Variants in SHOC1 observed in about 807,000 individuals in gnomAD.
The protein encoded by SHOC1 is protein shortage in chiasmata 1 ortholog.
In SHOC1, 136 loss-of-function variants were observed where a neutral mutation model predicts 179.2. That is an observed-to-expected ratio of 0.76 (90% CI 0.66 to 0.87). The LOEUF is 0.87. Ranked by LOEUF, SHOC1 falls within the 40% of genes least tolerant of loss-of-function variation. SHOC1 has a pLI of 0.00. For missense variants in SHOC1, 1,538 were observed against 1,700.8 expected (o/e 0.90, Z 1.68); for synonymous variants, 489 against 586.6 (o/e 0.83, Z 2.41).
At chr9:111,758,972 G>T in intron 5 of SHOC1, 124 bp from the exon 6 acceptor site, 1 of 846,148 alleles carries the variant, frequency 1.2e-6, no homozygotes, top group Admixed American at 2.9e-5. Flanking sequence ...TTTAAACTCT[G>T]TAGCTCTTCA....
chr9:111,768,737 T>G (rs554917676), intron 5 of SHOC1, among the ~76,000 whole-genome samples: 1 of 152,230 alleles, frequency 6.6e-6, no homozygotes, highest in African/African-American at 2.4e-5. Flanking sequence ...CCTTTCCAAT[T>G]TGAATGCCCT....
At chr9:111,693,421 C>CA (rs59200447) in intron 26 of SHOC1, among the ~76,000 whole-genome samples, 11,977 of 85,950 alleles carry the variant, frequency 0.14, 1,089 homozygotes, top group Non-Finnish European at 0.19. Flanking sequence ...CCCGTTTCTA[C>CA]AAAAAAAAAA....
chr9:111,780,069 A>G (rs552512170), intron 4 of SHOC1, among the ~76,000 whole-genome samples: 23 of 152,270 alleles, frequency 1.5e-4, no homozygotes, highest in Middle Eastern at 3.4e-3. Flanking sequence ...GTCATCCTAT[A>G]TTACCATTTA....
chr9:111,753,880 A>C (rs1834726067), intron 8 of SHOC1, among the ~76,000 whole-genome samples: 1 of 152,156 alleles, frequency 6.6e-6, no homozygotes, highest in South Asian at 2.1e-4. Context: ...AGTGGTTACC[A>C]GGGGCTAGGG....
Position 111,714,564 on chromosome 9 carries a change from T to G in SHOC1, c.2296A>C (p.Ile766Leu). 1 of 1,613,966 alleles carries G rather than the reference T, an allele frequency of 6.2e-7. No homozygotes were observed. Among genetic ancestry groups the G allele is most frequent in the Non-Finnish European group, 8.5e-7 (1 of 1,179,934 alleles). Residue 766 changes from isoleucine (I) to leucine (L), a missense_variant, in exon 17 of 28, where the codon ATT becomes CTT. By Grantham distance (5) the Ile-to-Leu change is conservative. Transcript: ENST00000682961. ...NSILGPYLGD[I>L]WRQLEIVQFI... ...TGTACAATCTCCAGCTGTCTCCAAA[T>G]GTCACCCAAATAGGGGCCTAAAATG...
At chr9:111,780,786 T>A (rs1490337228) in intron 4 of SHOC1, 144 bp downstream of exon 4, 1 of 530,756 alleles carries the variant, frequency 1.9e-6, no homozygotes, top group African/African-American at 2.0e-5. Flanking sequence ...CCTTTGTGGT[T>A]CAAATTAGGA....
intron 4 of SHOC1, 142 bp from the exon 5 acceptor site, chr9:111,776,117 G>A: frequency 1.6e-6 from 1 of 634,368 alleles, no homozygotes; most frequent in East Asian, 2.9e-5. Flanking sequence ...CATCATTCAA[G>A]ATAAATATAA....
At chr9:111,752,345 TTGAAAGC>T (rs1834632403) in intron 8 of SHOC1, among the ~76,000 whole-genome samples, 1 of 152,206 alleles carries the variant, frequency 6.6e-6, no homozygotes, top group African/African-American at 2.4e-5. Context: ...ATGGGGCAGA[TTGAAAGC>T]ATATCAGCTA....
At chr9:111,762,867 A>G (rs940363886) in intron 5 of SHOC1, among the ~76,000 whole-genome samples, 2 of 152,042 alleles carry the variant, frequency 1.3e-5, no homozygotes, top group Non-Finnish European at 2.9e-5. Context: ...GTATAGTCAG[A>G]CAAAAAAAAA....
At chr9:111,744,741 A>G in intron 10 of SHOC1, among the ~76,000 whole-genome samples, 1 of 152,220 alleles carries the variant, frequency 6.6e-6, no homozygotes, top group Non-Finnish European at 1.5e-5. Flanking sequence ...GACTAATTGT[A>G]CTGGTTATGT....
chr9:111,762,910 C>A (rs1350983679), intron 5 of SHOC1, among the ~76,000 whole-genome samples: 1 of 151,882 alleles, frequency 6.6e-6, no homozygotes, highest in Admixed American at 6.6e-5. Context: ...AAACAGCCAT[C>A]ATTCACAGAC....
At position 111,714,468 on chromosome 9, in the gene SHOC1, T is replaced by A. The variant is rs11791445; in HGVS notation, c.2392A>T (p.Met798Leu). 340,716 of 1,613,284 alleles carry A rather than the reference T, an allele frequency of 0.21. 37,762 individuals carry two copies. The highest frequency in any genetic ancestry group is 0.23 in the Non-Finnish European group (267,974 of 1,179,626). ...QELQCQILSW[M>L]QSQQQIKVLI... ...ACCTTAATTTGCTGTTGACTTTGCA[T>A]CCAACTTAGTATCTGACATTGCAAT... The change falls in exon 17 of 28, where the codon ATG (methionine) becomes TTG (leucine). Residue 798 changes from methionine (M) to leucine (L), a missense_variant. Physicochemically the swap from Met to Leu is conservative, Grantham distance 15 (BLOSUM62 2). Transcript: ENST00000682961.
chr9:111,782,072 C>T (rs1836084178), intron 3 of SHOC1, among the ~76,000 whole-genome samples: 1 of 152,136 alleles, frequency 6.6e-6, no homozygotes, highest in Admixed American at 6.5e-5. Context: ...ATTATCCAGG[C>T]GTGGTGGTGG....
chr9:111,781,305 C>T (rs414605), intron 3 of SHOC1, among the ~76,000 whole-genome samples: 4 of 152,192 alleles, frequency 2.6e-5, no homozygotes, highest in African/African-American at 7.2e-5. Flanking sequence ...TAGTCCCTTT[C>T]AACTGCTCAT....
chr9:111,793,162 G>A (rs1489391730), intron 1 of SHOC1, among the ~76,000 whole-genome samples: 3 of 152,140 alleles, frequency 2.0e-5, no homozygotes, highest in Non-Finnish European at 4.4e-5. Flanking sequence ...GATTACAGGC[G>A]TGAGCCACCG....
In SHOC1 at chr9:111,741,552, T is replaced by A; in HGVS notation, c.1098A>T (p.Glu366Asp). ...PVCKINLLTA[E>D]ESANEYYMMW... is the part of the protein sequence containing the mutation. ...TCATGTAGTATTCATTAGCTGATTC[T>A]TCAGCAGTAAGCAAATTACTGAAAA... The change falls in exon 11 of 28, where the codon GAA becomes GAT. Residue 366 changes from glutamate to aspartate, a missense_variant. Transcript: ENST00000682961. 6.2e-7 allele frequency: 1 copy of A among 1,605,516 alleles called. No individual in the cohort carries two copies. Among genetic ancestry groups the A allele is most frequent in the Non-Finnish European group, 8.5e-7 (1 of 1,174,544 alleles).
chr9:111,734,292 C>A (rs1833724334), intron 12 of SHOC1, among the ~76,000 whole-genome samples: 1 of 152,094 alleles, frequency 6.6e-6, no homozygotes, highest in South Asian at 2.1e-4. Context: ...ATTTTAATCT[C>A]AAATTAGTTA....
intron 5 of SHOC1, among the ~76,000 whole-genome samples, chr9:111,772,000 C>T (rs1835628262): frequency 6.6e-6 from 1 of 152,070 alleles, no homozygotes; most frequent in Non-Finnish European, 1.5e-5. Context: ...TGCCCTCTGC[C>T]TTTGCTCAGC....
At chr9:111,716,381 C>A (rs1336041150) in intron 16 of SHOC1, among the ~76,000 whole-genome samples, 1 of 67,742 alleles carries the variant, frequency 1.5e-5, no homozygotes, top group South Asian at 7.3e-4. Context: ...TCTTTTCTCC[C>A]TTTTTTTTTT....
Sources: allele counts gnomAD v4.1 joint callset (sites outside exome capture counted in the v4.1 genomes callset), GRCh38; gene constraint gnomAD v4.1.1; transcripts MANE v1.5; gene names NCBI Gene and HGNC (gene_info 2026-07-23, HGNC 2026-07-21).